The following IQCM variants were observed in gnomAD, a reference collection of about 807,000 sequenced individuals.
IQCM encodes the protein IQ domain-containing protein M.
Under a neutral mutation model 57.6 loss-of-function variants are expected in IQCM, and 45 were observed. The observed-to-expected ratio is 0.78, with a 90% CI of 0.62 to 1.00. The LOEUF is 1.00. IQCM is among the 50% of genes least tolerant of loss of function. IQCM has a pLI of 0.00. For missense variants in IQCM, 468 were observed against 511.6 expected (o/e 0.91, Z 0.82); for synonymous variants, 148 against 158.9 (o/e 0.93, Z 0.51).
At chr4:149,585,877 C>T (rs1283523104) in intron 9 of IQCM, among the ~76,000 whole-genome samples, 2 of 151,486 alleles carry the variant, frequency 1.3e-5, no homozygotes, top group African/African-American at 2.4e-5. Context: ...AGGATTGAAC[C>T]AAGTGATGTC....
In IQCM at chr4:149,630,148, C is replaced by A. The variant is rs527901755; in HGVS notation, c.566-8904G>T. Among the ~76,000 whole-genome samples the A allele has an allele frequency of 2.0e-5, 3 of 152,286 alleles. No homozygotes were observed. In the East Asian group the frequency reaches 5.8e-4, roughly 29 times the overall value. On this transcript the variant is annotated intron_variant, in intron 7 of 13. Transcript: ENST00000636793. ...ACTCTTGATTAAGAAAATCAGAGGT[C>A]CTGATGACAAGTCTATCAAAGATTG...
intron 9 of IQCM, among the ~76,000 whole-genome samples, chr4:149,567,053 G>A (rs967049827): frequency 3.9e-5 from 6 of 152,114 alleles, no homozygotes; most frequent in African/African-American, 1.2e-4. Flanking sequence ...TTTGATTACA[G>A]TTTGCTCTTA....
chr4:149,779,250 A>G (rs527925506), intron 2 of IQCM, among the ~76,000 whole-genome samples: 92 of 152,310 alleles, frequency 6.0e-4, no homozygotes, highest in East Asian at 5.8e-4. Context: ...AAGATTTCTT[A>G]TAGATACAGA....
chr4:149,376,795 A>T (rs574508478), intron 13 of IQCM, among the ~76,000 whole-genome samples: 1 of 152,190 alleles, frequency 6.6e-6, no homozygotes, highest in Non-Finnish European at 1.5e-5. Context: ...ATTGAGTCTG[A>T]TATGTACATA....
Position 149,733,607 on chromosome 4 carries a change from C to T in IQCM, c.121-99G>A, listed in dbSNP as rs925081719. 7.4e-6 allele frequency: 4 copies of T among 538,580 alleles called. No individual in the cohort carries two copies. In the African/African-American group the frequency reaches 7.8e-5, roughly 11 times the overall value. 33.4% of individuals were successfully genotyped at this position (538,580 alleles called of 1,614,324 possible). On this transcript the variant is annotated intron_variant, in intron 4 of 13. Coordinates refer to ENST00000636793, the MANE Select transcript of IQCM (RefSeq NM_001363507.2). ...TATTAATAAGTTCATGAAATTGCAC[C>T]TCTAGTACATACATTTTACAAAGTA...
chr4:149,592,435 C>T (rs369508633), intron 8 of IQCM, among the ~76,000 whole-genome samples: 2 of 151,886 alleles, frequency 1.3e-5, no homozygotes, highest in Admixed American at 6.6e-5. Flanking sequence ...GTAGTTTCTT[C>T]TGCTGTGCAG....
chr4:149,505,847 C>T (rs529603461), intron 12 of IQCM, among the ~76,000 whole-genome samples: 1 of 152,260 alleles, frequency 6.6e-6, no homozygotes, highest in East Asian at 1.9e-4. Context: ...CACATTTTTA[C>T]ATAACAGAAT....
At position 149,368,931 on chromosome 4, in the gene IQCM, C is replaced by T. The variant is rs1211144438; in HGVS notation, c.1391-16865G>A. Reference sequence around the variant, plus strand: ...GTATATATATGTGTATATATATACACGTGTATATATATGTGTATATATATA... The same window carrying T: ...GTATATATATGTGTATATATATACATGTGTATATATATGTGTATATATATA... On this transcript the variant is annotated intron_variant, in intron 13 of 13. Coordinates refer to ENST00000636793, the MANE Select transcript of IQCM (RefSeq NM_001363507.2). Among the ~76,000 whole-genome samples the T allele has an allele frequency of 5.1e-5, 3 of 59,362 alleles. 1 individual carries two copies. Among genetic ancestry groups the T allele is most frequent in the Admixed American group, 1.9e-4 (1 of 5,268 alleles). The allele number at this position is 59,362 out of a possible 152,430, so 38.9% of individuals were successfully genotyped here.
chr4:149,781,147 A>G (rs1189251428), intron 2 of IQCM, among the ~76,000 whole-genome samples: 1 of 152,214 alleles, frequency 6.6e-6, no homozygotes, highest in African/African-American at 2.4e-5. Context: ...CAGAAAGCTA[A>G]GGATGATGAA....
At chr4:149,701,030 A>G (rs1429725780) in intron 5 of IQCM, among the ~76,000 whole-genome samples, 3 of 151,962 alleles carry the variant, frequency 2.0e-5, no homozygotes, top group Admixed American at 6.6e-5. Context: ...CTTAGTCATA[A>G]CCCCAAATCC....
intron 2 of IQCM, among the ~76,000 whole-genome samples, chr4:149,804,188 T>C (rs549433656): frequency 6.9e-4 from 105 of 152,148 alleles, no homozygotes; most frequent in Non-Finnish European, 1.3e-3. Context: ...GAGAGCACTG[T>C]GGGCTTATTT....
chr4:149,388,823 T>G lies in IQCM; in HGVS notation c.1391-36757A>C, dbSNP rs570390616. ...CAGAGAAAGGACTATCCTCATTCTT[T>G]GCCTATTTTTAAATTAGGTTGCCTT... On this transcript the variant is annotated intron_variant, in intron 13 of 13. Transcript: ENST00000636793. Among the ~76,000 whole-genome samples the G allele has an allele frequency of 3.2e-3, 471 of 148,942 alleles. 4 individuals carry two copies. The highest frequency in any genetic ancestry group is 2.8e-3 in the Non-Finnish European group (188 of 67,300).
intron 12 of IQCM, among the ~76,000 whole-genome samples, chr4:149,526,605 T>A (rs1314276698): frequency 6.6e-6 from 1 of 152,036 alleles, no homozygotes; most frequent in African/African-American, 2.4e-5. Flanking sequence ...GTCTGTGCAA[T>A]CATCATGACA....
chr4:149,480,257 A>G (rs1395508708), intron 12 of IQCM, among the ~76,000 whole-genome samples: 1 of 152,170 alleles, frequency 6.6e-6, no homozygotes, highest in African/African-American at 2.4e-5. Flanking sequence ...GCAATGCATA[A>G]TAAACAATCC....
At chr4:149,442,064 G>A (rs895856452) in intron 12 of IQCM, among the ~76,000 whole-genome samples, 1 of 152,074 alleles carries the variant, frequency 6.6e-6, no homozygotes, top group Non-Finnish European at 1.5e-5. Context: ...TACTCAGTCA[G>A]GTATTCTGTT....
chr4:149,521,700 T>C (rs1439014371), intron 12 of IQCM, among the ~76,000 whole-genome samples: 1 of 152,224 alleles, frequency 6.6e-6, no homozygotes, highest in Non-Finnish European at 1.5e-5. Context: ...TGGGTGTGAC[T>C]GAGACAAACA....
At chr4:149,656,083 C>T (rs1240182295) in intron 7 of IQCM, among the ~76,000 whole-genome samples, 1 of 152,012 alleles carries the variant, frequency 6.6e-6, no homozygotes, top group Non-Finnish European at 1.5e-5. Flanking sequence ...TTTTAATTCC[C>T]TCATCTGAAA....
rs574893715 is a variant in IQCM, at chr4:149,559,952, C to A, written c.948+3740G>T. Among the ~76,000 whole-genome samples, 6 of 152,244 alleles carry A rather than the reference C, an allele frequency of 3.9e-5. No individual in the cohort carries two copies. In the East Asian group the frequency reaches 5.8e-4, roughly 15 times the overall value. ...ATTGTGAACTGCACATGCAGGGGAT[C>A]CAGGTTGTGTGCTCTTAATGAGAAT... On this transcript the variant is annotated intron_variant, in intron 10 of 13. Coordinates refer to ENST00000636793, the MANE Select transcript of IQCM (RefSeq NM_001363507.2).
At chr4:149,582,715 T>A (rs1199562217) in intron 9 of IQCM, among the ~76,000 whole-genome samples, 1 of 151,570 alleles carries the variant, frequency 6.6e-6, no homozygotes, top group Non-Finnish European at 1.5e-5. Context: ...ACCTGAGAAA[T>A]GTTATTCACC....
Sources: gnomAD v4.1 joint callset for allele counts (sites outside exome capture counted in the v4.1 genomes callset) on GRCh38, gnomAD v4.1.1 for gene constraint, MANE v1.5 for transcripts, NCBI Gene and HGNC (gene_info 2026-07-23, HGNC 2026-07-21) for gene names.